FER: variants seen among roughly 807,000 people sequenced by gnomAD.
The protein encoded by FER is FER tyrosine kinase.
In FER, 63 loss-of-function variants were observed where a neutral mutation model predicts 111.0. The ratio of observed to expected loss-of-function variants is 0.57; its 90% CI spans 0.46 to 0.70. The LOEUF is 0.70. FER is among the 30% of genes least tolerant of loss of function. The pLI is 0.00. For synonymous variants in FER, 327 were observed against 313.9 expected (o/e 1.04, Z -0.44); for missense variants, 914 against 954.0 (o/e 0.96, Z 0.55).
At chr5:108,753,893 A>C (rs1243834627) in intron 1 of FER, among the ~76,000 whole-genome samples, 2 of 152,206 alleles carry the variant, frequency 1.3e-5, no homozygotes, top group Non-Finnish European at 2.9e-5. Context: ...ATCCAGCAGT[A>C]AAACAGATTT....
chr5:108,775,343 C>T (rs902125516), intron 2 of FER, among the ~76,000 whole-genome samples: 1 of 152,106 alleles, frequency 6.6e-6, no homozygotes, highest in Non-Finnish European at 1.5e-5. Context: ...TTTTACTACA[C>T]TGTAAATTGT....
intron 3 of FER, among the ~76,000 whole-genome samples, chr5:108,806,365 A>T (rs1001940128): frequency 6.6e-6 from 1 of 152,218 alleles, no homozygotes; most frequent in Non-Finnish European, 1.5e-5. Flanking sequence ...TGGAAGGGAA[A>T]TGTGGGGTTG....
intron 4 of FER, among the ~76,000 whole-genome samples, chr5:108,835,224 C>T (rs1471885137): frequency 2.6e-5 from 3 of 117,326 alleles, no homozygotes; most frequent in African/African-American, 3.5e-5. Flanking sequence ...AAGTTTCAGC[C>T]AGGCTGGAGT....
chr5:108,833,771 G>T (rs1250240511), intron 4 of FER, among the ~76,000 whole-genome samples: 1 of 151,936 alleles, frequency 6.6e-6, no homozygotes, highest in Non-Finnish European at 1.5e-5. Context: ...CTACTCAGGA[G>T]GCTGAGGCAG....
intron 5 of FER, among the ~76,000 whole-genome samples, chr5:108,855,026 G>A (rs10039951): frequency 0.23 from 33,155 of 147,158 alleles, 3,845 homozygotes; most frequent in African/African-American, 0.29. Context: ...AAGAAGAAAA[G>A]ACTGATTCCA....
chr5:108,804,559 A>G (rs148732573), intron 3 of FER, among the ~76,000 whole-genome samples: 4 of 152,278 alleles, frequency 2.6e-5, no homozygotes, highest in Non-Finnish European at 5.9e-5. Context: ...GGATTTTATC[A>G]AACGCTTCAA....
chr5:108,884,131 A>C (rs1018299244), intron 9 of FER, among the ~76,000 whole-genome samples: 2 of 152,060 alleles, frequency 1.3e-5, no homozygotes, highest in Non-Finnish European at 2.9e-5. Flanking sequence ...TATTAATTGC[A>C]TCTACAAGAG....
At chr5:109,040,900 A>G (rs1003312237) in intron 14 of FER, among the ~76,000 whole-genome samples, 2 of 152,120 alleles carry the variant, frequency 1.3e-5, no homozygotes, top group African/African-American at 4.8e-5. Context: ...ACAGTAGTTC[A>G]CTTTTTATAA....
At chr5:108,924,793 A>C in intron 10 of FER, 1 of 1,232,002 alleles carries the variant, frequency 8.1e-7, no homozygotes, top group East Asian at 3.2e-5. Flanking sequence ...AGATCAGGTA[A>C]GGAGAAGTTC....
intron 13 of FER, among the ~76,000 whole-genome samples, chr5:109,012,417 T>C (rs1329683737): frequency 1.3e-5 from 2 of 152,238 alleles, no homozygotes. Flanking sequence ...ATTAAAGTTT[T>C]ATGTACGTAT....
intron 1 of FER, among the ~76,000 whole-genome samples, chr5:108,753,842 C>G (rs1561366496): frequency 6.6e-6 from 1 of 152,144 alleles, no homozygotes; most frequent in African/African-American, 2.4e-5. Context: ...GAAGCAAGCA[C>G]TGAACTGACT....
At chr5:108,883,858 C>T (rs2150288224) in intron 9 of FER, among the ~76,000 whole-genome samples, 1 of 151,966 alleles carries the variant, frequency 6.6e-6, no homozygotes, top group East Asian at 1.9e-4. Flanking sequence ...TGTGAATTCC[C>T]CTGTTAAGAA....
At chr5:109,050,279 G>GA (rs569413678) in intron 16 of FER, among the ~76,000 whole-genome samples, 15 of 148,042 alleles carry the variant, frequency 1.0e-4, no homozygotes, top group East Asian at 5.9e-4. Context: ...CATTTTAGGA[G>GA]AAAAAAAAAA....
At chr5:109,085,922 A>C (rs1234753808) in intron 16 of FER, among the ~76,000 whole-genome samples, 2 of 151,902 alleles carry the variant, frequency 1.3e-5, no homozygotes, top group Non-Finnish European at 1.5e-5. Context: ...TTACCTTTTC[A>C]AAGTATTGCT....
Position 108,903,526 on chromosome 5 carries a change from A to G in FER, c.1236+5678A>G, listed in dbSNP as rs143677869. 1.8e-4 allele frequency among the ~76,000 whole-genome samples: 28 copies of G among 152,314 alleles called. 1 individual carries two copies. In the Middle Eastern group the frequency reaches 0.017, roughly 93 times the overall value. Reference sequence around the variant, plus strand: ...CTAAAAATACAAAGATTAGCCAGACATGGTTAAGATCCCTTAACCTTTCTG... The same window carrying G: ...CTAAAAATACAAAGATTAGCCAGACGTGGTTAAGATCCCTTAACCTTTCTG... On this transcript the variant is annotated intron_variant, in intron 10 of 19. Coordinates refer to ENST00000281092, the MANE Select transcript of FER (RefSeq NM_005246.4).
intron 3 of FER, among the ~76,000 whole-genome samples, chr5:108,805,288 C>T (rs6897096): frequency 0.19 from 29,366 of 152,110 alleles, 3,072 homozygotes; most frequent in African/African-American, 0.27. Context: ...CCTTGCCTTC[C>T]ACCATGTTTG....
chr5:109,184,082 T>A (rs984726620), intron 18 of FER, among the ~76,000 whole-genome samples: 2 of 152,178 alleles, frequency 1.3e-5, no homozygotes, highest in Non-Finnish European at 2.9e-5. Context: ...TCACCAAAGG[T>A]ACTGTTTTTA....
At chr5:109,176,764 G>A (rs1176413748) in intron 17 of FER, among the ~76,000 whole-genome samples, 1 of 151,988 alleles carries the variant, frequency 6.6e-6, no homozygotes, top group Non-Finnish European at 1.5e-5. Flanking sequence ...TGTCAACTAA[G>A]AATAATAGGG....
In FER at chr5:108,845,021, T is replaced by TTGCTG. The variant is rs1761809116; in HGVS notation, c.481+9214_481+9215insTGCTG. Among the ~76,000 whole-genome samples, 4 of 52,730 alleles carry TTGCTG rather than the reference T, an allele frequency of 7.6e-5. 1 individual carries two copies. The allele number at this position is 52,730 out of a possible 152,430, so 34.6% of individuals were successfully genotyped here. On this transcript the variant is annotated intron_variant, in intron 5 of 19. Transcript: ENST00000281092. ...GTATATATATATATATATATATATATATATATATATATATATATACATATA... is the reference window on the plus strand; with the variant it reads ...GTATATATATATATATATATATATATTGCTGATATATATATATATATATACATATA...
Sources: gnomAD v4.1 joint callset for allele counts (sites outside exome capture counted in the v4.1 genomes callset) on GRCh38, gnomAD v4.1.1 for gene constraint, MANE v1.5 for transcripts, NCBI Gene and HGNC (gene_info 2026-07-23, HGNC 2026-07-21) for gene names.